The following TRUB1 variants were observed in gnomAD, a reference collection of about 807,000 sequenced individuals.
The protein encoded by TRUB1 is TruB pseudouridine synthase family member 1, also known as pseudouridylate synthase TRUB1.
TRUB1 carries 23 observed loss-of-function variants against 33.9 expected under a neutral mutation model. That is an observed-to-expected ratio of 0.68 (90% CI 0.49 to 0.96). The LOEUF (loss-of-function observed/expected upper bound fraction) is 0.96, where lower values mean the gene tolerates loss of function less well. Ranked by LOEUF, TRUB1 falls within the 40% of genes least tolerant of loss-of-function variation. The pLI is 0.00. For missense variants in TRUB1, 378 were observed against 422.2 expected, an observed-to-expected ratio of 0.90 and a Z score of 0.92; for synonymous variants, 163 against 165.4, an observed-to-expected ratio of 0.99 and a Z score of 0.11.
intron 1 of TRUB1, among the ~76,000 whole-genome samples, chr10:114,939,110 A>G (rs1391391750): frequency 6.6e-6 from 1 of 152,230 alleles, no homozygotes; most frequent in Non-Finnish European, 1.5e-5. Context: ...GCTCCAGGTG[A>G]TTCCAGTGTA....
intron 2 of TRUB1, among the ~76,000 whole-genome samples, chr10:114,946,493 CA>C (rs1446422070): frequency 1.3e-5 from 2 of 152,058 alleles, no homozygotes; most frequent in African/African-American, 4.8e-5. Flanking sequence ...AGGCGACTGC[CA>C]CCATGCCCTG....
intron 2 of TRUB1, among the ~76,000 whole-genome samples, chr10:114,944,567 G>A (rs182530737): frequency 0.011 from 1,687 of 152,234 alleles, 8 homozygotes; most frequent in Middle Eastern, 0.02. Context: ...GCTGAGGCAG[G>A]AGAATCACTT....
chr10:114,946,297 A>G (rs572306632), intron 2 of TRUB1, among the ~76,000 whole-genome samples: 7 of 152,148 alleles, frequency 4.6e-5, no homozygotes, highest in Non-Finnish European at 8.8e-5. Context: ...GTATATAGAT[A>G]TATACTTTAT....
At chr10:114,966,447 C>T (rs998084701) in intron 4 of TRUB1, among the ~76,000 whole-genome samples, 1 of 152,066 alleles carries the variant, frequency 6.6e-6, no homozygotes, top group Non-Finnish European at 1.5e-5. Context: ...TTCAAAGTTG[C>T]TTTTGCCATT....
chr10:114,946,415 C>G (rs1215817235), intron 2 of TRUB1, among the ~76,000 whole-genome samples: 1 of 152,006 alleles, frequency 6.6e-6, no homozygotes, highest in Non-Finnish European at 1.5e-5. Context: ...GATCTCAGCT[C>G]ACTGCAACCT....
At position 114,970,413 on chromosome 10, in the gene TRUB1, C is replaced by T. The variant is rs1338556061; in HGVS notation, c.569C>T (p.Thr190Ile). ...ATTGAAGGCATTCTACAGAAATTTA[C>T]TGGAAATATAATGCAAGTGCCCCCC... ...EDIEGILQKF[T>I]GNIMQVPPLY... Residue 190 changes from threonine to isoleucine, a missense_variant, in exon 5 of 8, where the codon ACT becomes ATT. Coordinates refer to ENST00000298746, the MANE Select transcript of TRUB1 (RefSeq NM_139169.5). 2 of 1,611,558 alleles carry T rather than the reference C, an allele frequency of 1.2e-6. No individual in the cohort carries two copies. Among genetic ancestry groups the T allele is most frequent in the African/African-American group, 1.3e-5 (1 of 74,934 alleles).
intron 2 of TRUB1, among the ~76,000 whole-genome samples, chr10:114,947,842 TTTTG>T (rs769231811): frequency 6.6e-6 from 1 of 152,110 alleles, no homozygotes; most frequent in Non-Finnish European, 1.5e-5. Flanking sequence ...AGATAGAACT[TTTTG>T]TTTGTTTTGT....
At chr10:114,943,155 T>G (rs2084196023) in intron 2 of TRUB1, among the ~76,000 whole-genome samples, 1 of 152,226 alleles carries the variant, frequency 6.6e-6, no homozygotes, top group Non-Finnish European at 1.5e-5. Flanking sequence ...GAACACCAGC[T>G]TTCCTTCTAG....
chr10:114,952,472 GGT>G (rs2084241080), intron 3 of TRUB1, among the ~76,000 whole-genome samples: 1 of 151,090 alleles, frequency 6.6e-6, no homozygotes, highest in Non-Finnish European at 1.5e-5. Context: ...TAGGTAGGTA[GGT>G]AGGTAGATAG....
At chr10:114,973,418 C>T (rs1169781216) in intron 6 of TRUB1, among the ~76,000 whole-genome samples, 1 of 152,194 alleles carries the variant, frequency 6.6e-6, no homozygotes, top group Non-Finnish European at 1.5e-5. Flanking sequence ...GCTAGCGCGC[C>T]TGCATTTCAT....
chr10:114,961,035 T>C (rs1429681120), intron 4 of TRUB1, among the ~76,000 whole-genome samples: 1 of 151,926 alleles, frequency 6.6e-6, no homozygotes, highest in Non-Finnish European at 1.5e-5. Context: ...CGCACTAGAG[T>C]AGACAAATCT....
At chr10:114,957,319 T>A (rs1333997127) in intron 3 of TRUB1, among the ~76,000 whole-genome samples, 3 of 152,210 alleles carry the variant, frequency 2.0e-5, no homozygotes, top group Non-Finnish European at 2.9e-5. Context: ...CAGACATGTC[T>A]GTTGTTGCCA....
At chr10:114,974,470 T>C (rs1238557937) in intron 7 of TRUB1, 85 bp downstream of exon 7, 6 of 1,195,118 alleles carry the variant, frequency 5.0e-6, no homozygotes, top group Non-Finnish European at 4.9e-6. Flanking sequence ...GTTTTTCTTA[T>C]TTCTGAGTAC....
chr10:114,971,433 T>A (rs919245422), intron 5 of TRUB1, among the ~76,000 whole-genome samples: 1 of 152,180 alleles, frequency 6.6e-6, no homozygotes, highest in Non-Finnish European at 1.5e-5. Context: ...TATTTTGTAT[T>A]TAAAATCTTG....
intron 3 of TRUB1, among the ~76,000 whole-genome samples, chr10:114,957,482 A>G (rs138568746): frequency 6.6e-6 from 1 of 152,364 alleles, no homozygotes; most frequent in African/African-American, 2.4e-5. Context: ...CTTAAGAAAC[A>G]TGATCGAATT....
chr10:114,975,520 C>A lies in TRUB1; in HGVS notation c.*141C>A. ...GAAAAATGTCTATCATTTACAGTTT[C>A]AATAGCACATAATTTATTTTCTATG... On this transcript the variant is annotated 3_prime_UTR_variant, in exon 8 of 8. Transcript: ENST00000298746. The A allele has an allele frequency of 1.3e-6, 1 of 778,092 alleles. No homozygotes were observed. Among genetic ancestry groups the A allele is most frequent in the Non-Finnish European group, 1.9e-6 (1 of 517,770 alleles). The allele number at this position is 778,092 out of a possible 1,614,324, so 48.2% of individuals were successfully genotyped here.
intron 3 of TRUB1, among the ~76,000 whole-genome samples, chr10:114,952,555 T>G (rs920446751): frequency 2.6e-5 from 4 of 152,212 alleles, no homozygotes; most frequent in African/African-American, 9.7e-5. Context: ...ATTGATCGAT[T>G]GATTTTAAAA....
chr10:114,962,255 T>G (rs1359341672), intron 4 of TRUB1, among the ~76,000 whole-genome samples: 1 of 152,098 alleles, frequency 6.6e-6, no homozygotes, highest in Admixed American at 6.5e-5. Flanking sequence ...AGGGTTTCAC[T>G]TTGTTGGCCA....
intron 4 of TRUB1, among the ~76,000 whole-genome samples, chr10:114,962,618 A>G (rs2084289059): frequency 6.6e-6 from 1 of 152,212 alleles, no homozygotes; most frequent in Non-Finnish European, 1.5e-5. Flanking sequence ...TGGGGTGGTG[A>G]CACCAGCTGC....
Sources: gnomAD v4.1 joint callset for allele counts (sites outside exome capture counted in the v4.1 genomes callset) on GRCh38, gnomAD v4.1.1 for gene constraint, MANE v1.5 for transcripts, NCBI Gene and HGNC (gene_info 2026-07-23, HGNC 2026-07-21) for gene names.